SELENOP: variants seen among roughly 807,000 people sequenced by gnomAD.
SELENOP encodes selenoprotein P, plasma, 1.
A neutral mutation model predicts 41.0 loss-of-function variants in SELENOP; 36 were observed. That is an observed-to-expected ratio of 0.88 (90% CI 0.67 to 1.16). The LOEUF (loss-of-function observed/expected upper bound fraction) is 1.16. Among genes scored for constraint, SELENOP ranks in the 50% most tolerant of loss-of-function variants. The pLI is 0.00. For missense variants in SELENOP, 440 were observed against 454.2 expected (o/e 0.97, Z 0.28); for synonymous variants, 144 against 150.8 (o/e 0.95, Z 0.33).
chr5:42,802,271 C>G (rs1348515389), intron 4 of SELENOP: 1 of 152,162 alleles, frequency 6.6e-6, no homozygotes, highest in Non-Finnish European at 1.5e-5. Context: ...TAATCAGAGA[C>G]TCAAAGCCTA....
chr5:42,807,469 C>T (rs1760358373), intron 2 of SELENOP: 1 of 163,044 alleles, frequency 6.1e-6, no homozygotes, highest in Non-Finnish European at 1.4e-5. Context: ...AACATGTAGA[C>T]TTTTTTTCTT....
At chr5:42,807,975 C>T (rs1760369776) in intron 2 of SELENOP, 176 bp downstream of exon 2, 3 of 380,560 alleles carry the variant, frequency 7.9e-6, no homozygotes, top group Admixed American at 4.5e-5. Flanking sequence ...CCACTGTAAA[C>T]ATTTTGGTGT....
intron 2 of SELENOP, 48 bp from the exon 3 acceptor site, chr5:42,807,156 T>G: frequency 1.0e-6 from 1 of 970,194 alleles, no homozygotes; most frequent in Non-Finnish European, 1.6e-6. Context: ...CTCATTTGAT[T>G]TGATTAGTGG....
At chr5:42,809,059 A>G (rs1408207880) in intron 1 of SELENOP, among the ~76,000 whole-genome samples, 1 of 152,178 alleles carries the variant, frequency 6.6e-6, no homozygotes, top group Non-Finnish European at 1.5e-5. Context: ...AATGTGGCTC[A>G]TGTCGGGCCC....
chr5:42,804,910 A>C, intron 3 of SELENOP, 137 bp from the exon 4 acceptor site: 1 of 523,512 alleles, frequency 1.9e-6, no homozygotes, highest in Non-Finnish European at 3.3e-6. Context: ...ATTTCTTTGG[A>C]TGAGAGCTAC....
At chr5:42,804,507 G>A (rs1054164535) in intron 4 of SELENOP, 149 bp downstream of exon 4, 24 of 504,576 alleles carry the variant, frequency 4.8e-5, no homozygotes, top group Admixed American at 2.2e-4. Flanking sequence ...GTAGAGGTTA[G>A]ATGACAGGAT....
In SELENOP at chr5:42,808,174, G is replaced by T; in HGVS notation, c.180C>A (p.Tyr60Ter). 1.3e-6 allele frequency: 2 copies of T among 1,556,994 alleles called. No individual in the cohort carries two copies. Among genetic ancestry groups the T allele is most frequent in the Non-Finnish European group, 1.7e-6 (2 of 1,153,646 alleles). Reference sequence around the variant, plus strand: ...ACTTAGATGCCTGCAGTATGCACAGGTATCAGCTGGCTTGAAGAAGAGCAA... The same window carrying T: ...ACTTAGATGCCTGCAGTATGCACAGTTATCAGCTGGCTTGAAGAAGAGCAA... ...TVVALLQASU[Y>*]LCILQASKLE... The change falls in exon 2 of 5, where the codon TAC becomes TAA. Residue 60 changes from tyrosine to a stop codon, truncating the protein, a stop_gained. Transcript: ENST00000514985. LOFTEE classifies it high-confidence loss of function.
At position 42,806,953 on chromosome 5, in the gene SELENOP, T is replaced by C. The variant is rs1305505422; in HGVS notation, c.359A>G (p.Gln120Arg). The C allele has an allele frequency of 1.9e-6, 3 of 1,612,498 alleles. No individual in the cohort carries two copies. The highest frequency in any genetic ancestry group is 1.3e-5 in the African/African-American group (1 of 75,026). The change falls in exon 3 of 5, where the codon CAA becomes CGA. Residue 120 changes from glutamine (Q) to arginine (R), a missense_variant. Physicochemically the swap from Gln to Arg is conservative, Grantham distance 43 (BLOSUM62 1). Coordinates refer to ENST00000514985, the MANE Select transcript of SELENOP (RefSeq NM_005410.4). ...HIPVYQQEENQTDVWTLLNGS... is the reference protein window; with the variant it reads ...HIPVYQQEENRTDVWTLLNGS... ...ATTTAAAAGAGTCCAGACATCTGTT[T>C]GGTTTTCTTCTTGTTGATAAACAGG...
At position 42,804,801 on chromosome 5, in the gene SELENOP, C is replaced by G. The variant is rs762106334; in HGVS notation, c.417-28G>C. 7 of 1,339,716 alleles carry G rather than the reference C, an allele frequency of 5.2e-6. No homozygotes were observed. The Admixed American group carries it at 1.1e-4, about 20-fold the overall frequency. The allele number at this position is 1,339,716 out of a possible 1,614,324, so 83.0% of individuals were successfully genotyped here. A position where few individuals can be genotyped will look rare whatever the true frequency, so the allele number is the denominator to read the frequency against. On this transcript the variant is annotated intron_variant, in intron 3 of 4. Coordinates refer to ENST00000514985, the MANE Select transcript of SELENOP (RefSeq NM_005410.4). The stretch of plus-strand genomic sequence containing the variant: ...AAGAAAAAGGACAAATACAATGTCA[C>G]TATAATATTTTCTGTATCACGATCC...
chr5:42,800,775 C>T lies in SELENOP; in HGVS notation c.1091G>A (p.Ser364Asn). Reference protein sequence around the residue: ...ISQQLIPTEASASURUKNQAK... With the variant: ...ISQQLIPTEANASURUKNQAK... ...CTGATTCTTTCAGCGTCAACTGGCA[C>T]TGGCTTCTGTGGGTATAAGCTGCTG... is the stretch of plus-strand genomic sequence containing the variant. Residue 364 changes from serine to asparagine, a missense_variant, in exon 5 of 5, where the codon AGT becomes AAT. Physicochemically the swap from Ser to Asn is conservative, Grantham distance 46. Transcript: ENST00000514985. 1 of 1,613,494 alleles carries T rather than the reference C, an allele frequency of 6.2e-7. No homozygotes were observed.
chr5:42,810,165 G>A (rs1760429162), intron 1 of SELENOP, among the ~76,000 whole-genome samples: 1 of 152,160 alleles, frequency 6.6e-6, no homozygotes, highest in Non-Finnish European at 1.5e-5. Context: ...AGTCACAAAA[G>A]AGACTGGATT....
chr5:42,801,026 T>C lies in SELENOP; in HGVS notation c.840A>G (p.Arg280=), dbSNP rs570817380. 2 of 1,614,212 alleles carry C rather than the reference T, an allele frequency of 1.2e-6. No homozygotes were observed. Among genetic ancestry groups the C allele is most frequent in the Admixed American group, 3.3e-5 (2 of 60,024 alleles). The change falls in exon 5 of 5, where the codon AGA becomes AGG. Residue 280 remains arginine (R), a synonymous_variant. Coordinates refer to ENST00000514985, the MANE Select transcript of SELENOP (RefSeq NM_005410.4). ...QDLQKKLCRK[R]CINQLLCKLP... is the part of the protein sequence containing the mutation. The stretch of plus-strand genomic sequence containing the variant: ...ATTTACAGAGTAATTGATTTATACA[T>C]CTCTTTCGACAGAGCTTCTTTTGTA...
chr5:42,805,932 T>G (rs1032112076), intron 3 of SELENOP: 1 of 152,092 alleles, frequency 6.6e-6, no homozygotes, highest in Non-Finnish European at 1.5e-5. Flanking sequence ...CAAAAGCAAA[T>G]ATATTATTTT....
Position 42,807,035 on chromosome 5 carries a change from CT to C in SELENOP, c.276del (p.Gly93GlufsTer?). ...GTGTATTTTAATCGAGAAGAGATTCCTTGATGATTAACAACAATATAAGAAA... is the reference window on the plus strand; with the variant it reads ...GTGTATTTTAATCGAGAAGAGATTCCTGATGATTAACAACAATATAAGAAA... ...SNISYIVVNH[Q>X]GISSRLKYTH... On this transcript the variant is annotated frameshift_variant, in exon 3 of 5. Coordinates refer to ENST00000514985, the MANE Select transcript of SELENOP (RefSeq NM_005410.4). LOFTEE classifies it high-confidence loss of function. 1 of 1,578,504 alleles carries C rather than the reference CT, an allele frequency of 6.3e-7. No homozygotes were observed. The highest frequency in any genetic ancestry group is 1.7e-5 in the Admixed American group (1 of 59,892).
In SELENOP at chr5:42,804,781, A is replaced by G. The variant is rs1002595635; in HGVS notation, c.417-8T>C. 6.8e-7 allele frequency: 1 copy of G among 1,475,788 alleles called. No homozygotes were observed. The highest frequency in any genetic ancestry group is 2.3e-5 in the East Asian group (1 of 43,976). 91.4% of individuals were successfully genotyped at this position (1,475,788 alleles called of 1,614,324 possible). On this transcript the variant is annotated splice_polypyrimidine_tract_variant and splice_region_variant and intron_variant, in intron 3 of 4. Coordinates refer to ENST00000514985, the MANE Select transcript of SELENOP (RefSeq NM_005410.4). ...TATACAAGACGGCCACATCTAAGAA[A>G]AAGGACAAATACAATGTCACTATAA...
intron 1 of SELENOP, among the ~76,000 whole-genome samples, chr5:42,809,241 T>C (rs1206886302): frequency 6.6e-6 from 1 of 152,244 alleles, no homozygotes; most frequent in Non-Finnish European, 1.5e-5. Context: ...GCCTATTTAT[T>C]GGAAAGTTCC....
chr5:42,804,324 A>G (rs1398471946), intron 4 of SELENOP, among the ~76,000 whole-genome samples: 1 of 152,126 alleles, frequency 6.6e-6, no homozygotes, highest in Non-Finnish European at 1.5e-5. Flanking sequence ...AGCTGGGAGT[A>G]GTGGCGGACG....
Position 42,806,894 on chromosome 5 carries a change from A to C in SELENOP, c.416+2T>G. On this transcript the variant is annotated splice_donor_variant, in intron 3 of 4. Transcript: ENST00000514985. LOFTEE classifies it high-confidence loss of function. ...GGGATGTGTTTGTGTGTATGTACAA[A>C]CCTATCATATATGAGGAAGTCATCT... The C allele has an allele frequency of 6.3e-7, 1 of 1,583,514 alleles. No homozygotes were observed. The highest frequency in any genetic ancestry group is 1.1e-5 in the South Asian group (1 of 89,492).
chr5:42,799,911 G>A lies in SELENOP; in HGVS notation c.*809C>T. 9.7e-7 allele frequency: 1 copy of A among 1,027,888 alleles called. No homozygotes were observed. The highest frequency in any genetic ancestry group is 1.4e-6 in the Non-Finnish European group (1 of 702,376). The allele number at this position is 1,027,888 out of a possible 1,614,324, so 63.7% of individuals were successfully genotyped here. A position where few individuals can be genotyped will look rare whatever the true frequency, so the allele number is the denominator to read the frequency against. ...TTAAGGTTTTTATTGAATTTATTTG[G>A]ACAAATCCGTACTGTATCCAATTCT... is the stretch of plus-strand genomic sequence containing the variant. On this transcript the variant is annotated 3_prime_UTR_variant, in exon 5 of 5. Coordinates refer to ENST00000514985, the MANE Select transcript of SELENOP (RefSeq NM_005410.4).
Sources: gnomAD v4.1 joint callset for allele counts (sites outside exome capture counted in the v4.1 genomes callset) on GRCh38, gnomAD v4.1.1 for gene constraint, MANE v1.5 for transcripts, NCBI Gene and HGNC (gene_info 2026-07-23, HGNC 2026-07-21) for gene names.